Variants in MALRD1 observed in about 807,000 individuals in gnomAD.
The protein encoded by MALRD1 is MAM and LDL-receptor class A domain-containing protein 1.
MALRD1 carries 247 observed loss-of-function variants against 242.1 expected under a neutral mutation model. The ratio of observed to expected loss-of-function variants is 1.02; its 90% CI spans 0.92 to 1.13. MALRD1 has a LOEUF of 1.13. Among genes scored for constraint, MALRD1 ranks in the 50% most tolerant of loss-of-function variants. The pLI, the probability that MALRD1 is intolerant of heterozygous loss-of-function variation, is 0.00. For synonymous variants in MALRD1, 995 were observed against 866.6 expected, an observed-to-expected ratio of 1.15 and a Z score of -2.60; for missense variants, 2,989 against 2,533.1, an observed-to-expected ratio of 1.18 and a Z score of -3.86.
chr10:19,139,011 A>C (rs1406587281), intron 10 of MALRD1, among the ~76,000 whole-genome samples: 1 of 152,188 alleles, frequency 6.6e-6, no homozygotes, highest in African/African-American at 2.4e-5. Flanking sequence ...CATTTGTCCA[A>C]AGAAAACCTG....
At chr10:19,732,649 T>C (rs572524938) in intron 39 of MALRD1, among the ~76,000 whole-genome samples, 87 of 152,366 alleles carry the variant, frequency 5.7e-4, no homozygotes, top group African/African-American at 2.0e-3. Context: ...AAGTGAGATC[T>C]TTTCAATTTT....
chr10:19,391,051 C>T (rs557497626), intron 28 of MALRD1, among the ~76,000 whole-genome samples: 38 of 152,120 alleles, frequency 2.5e-4, no homozygotes, highest in African/African-American at 8.7e-4. Context: ...TTGCTTCAGT[C>T]GTATTTACAT....
At chr10:19,474,718 G>A (rs994875146) in intron 29 of MALRD1, among the ~76,000 whole-genome samples, 26 of 151,750 alleles carry the variant, frequency 1.7e-4, no homozygotes, top group Non-Finnish European at 3.1e-4. Flanking sequence ...AAAGAATGCT[G>A]GCCAAGGATG....
At chr10:19,274,570 C>T (rs1030153307) in intron 19 of MALRD1, among the ~76,000 whole-genome samples, 1 of 152,192 alleles carries the variant, frequency 6.6e-6, no homozygotes, top group African/African-American at 2.4e-5. Context: ...ACCACTTCTG[C>T]TGGCACCTTG....
At chr10:19,610,518 TG>T (rs1838846446) in intron 35 of MALRD1, among the ~76,000 whole-genome samples, 1 of 152,016 alleles carries the variant, frequency 6.6e-6, no homozygotes, top group Admixed American at 6.6e-5. Context: ...AGACTTGGTT[TG>T]TTGCACAAAA....
At chr10:19,097,551 A>T (rs1836087126) in intron 4 of MALRD1, among the ~76,000 whole-genome samples, 1 of 152,176 alleles carries the variant, frequency 6.6e-6, no homozygotes, top group South Asian at 2.1e-4. Flanking sequence ...AAACGAACTA[A>T]ACATACAGTA....
intron 36 of MALRD1, among the ~76,000 whole-genome samples, chr10:19,689,479 A>T (rs1388225702): frequency 2.0e-5 from 3 of 152,162 alleles, no homozygotes; most frequent in Admixed American, 6.5e-5. Context: ...TCTTCACTAT[A>T]GAAAAATGCA....
intron 33 of MALRD1, among the ~76,000 whole-genome samples, chr10:19,585,751 T>C (rs1837358890): frequency 6.6e-6 from 1 of 152,170 alleles, no homozygotes; most frequent in South Asian, 2.1e-4. Context: ...TCTCTGTATT[T>C]CCTGAATCTG....
At chr10:19,317,819 T>C (rs530116375) in intron 21 of MALRD1, among the ~76,000 whole-genome samples, 2 of 152,150 alleles carry the variant, frequency 1.3e-5, no homozygotes, top group Admixed American at 1.3e-4. Context: ...CTAGGCAACT[T>C]TTGTGAAAAT....
intron 25 of MALRD1, among the ~76,000 whole-genome samples, chr10:19,350,800 T>C (rs1844340763): frequency 6.6e-6 from 1 of 152,134 alleles, no homozygotes; most frequent in African/African-American, 2.4e-5. Flanking sequence ...AAGTCCCTGT[T>C]TGTAGCTGCA....
chr10:19,155,793 A>T (rs1834121691), intron 12 of MALRD1, among the ~76,000 whole-genome samples: 1 of 152,200 alleles, frequency 6.6e-6, no homozygotes, highest in Admixed American at 6.6e-5. Context: ...AGCATACACG[A>T]TTATATGGAA....
intron 36 of MALRD1, among the ~76,000 whole-genome samples, chr10:19,663,664 A>C (rs1841543278): frequency 6.6e-6 from 1 of 152,144 alleles, no homozygotes; most frequent in African/African-American, 2.4e-5. Flanking sequence ...TAGGGGCTGC[A>C]CTCAGCTTCC....
chr10:19,727,784 C>A (rs1835103632), intron 38 of MALRD1, among the ~76,000 whole-genome samples: 4 of 143,284 alleles, frequency 2.8e-5, no homozygotes, highest in Admixed American at 7.0e-5. Flanking sequence ...TTTTTTTTGG[C>A]CTGATGAAGA....
chr10:19,295,519 G>A (rs1308492589), intron 21 of MALRD1, among the ~76,000 whole-genome samples: 1 of 151,688 alleles, frequency 6.6e-6, no homozygotes, highest in African/African-American at 2.4e-5. Context: ...TTTGAAGTGT[G>A]CAGTCAGAAG....
chr10:19,160,041 A>C (rs547186686), intron 12 of MALRD1, among the ~76,000 whole-genome samples: 1 of 152,190 alleles, frequency 6.6e-6, no homozygotes, highest in Non-Finnish European at 1.5e-5. Flanking sequence ...GAATGCAGTG[A>C]TTCAAAGTCA....
chr10:19,132,244 G>A (rs984025357), intron 8 of MALRD1, among the ~76,000 whole-genome samples: 2 of 152,194 alleles, frequency 1.3e-5, no homozygotes, highest in African/African-American at 4.8e-5. Flanking sequence ...GTCACTAAAA[G>A]CATCTGTGTA....
At chr10:19,459,450 A>G (rs61851083) in intron 29 of MALRD1, among the ~76,000 whole-genome samples, 18,219 of 152,168 alleles carry the variant, frequency 0.12, 1,161 homozygotes, top group African/African-American at 0.15. Context: ...CTTCATTGCC[A>G]TGATCAACTA....
intron 33 of MALRD1, among the ~76,000 whole-genome samples, chr10:19,593,249 C>T (rs1393085299): frequency 3.9e-5 from 6 of 152,116 alleles, no homozygotes; most frequent in Non-Finnish European, 7.3e-5. Context: ...GTCTCCAAGT[C>T]ATACATTTAT....
At chr10:19,611,848 C>G (rs1443099009) in intron 35 of MALRD1, among the ~76,000 whole-genome samples, 1 of 152,050 alleles carries the variant, frequency 6.6e-6, no homozygotes, top group Non-Finnish European at 1.5e-5. Context: ...CAGAGATGAA[C>G]TGTGAGTTTT....
Sources: gnomAD v4.1 joint callset for allele counts (sites outside exome capture counted in the v4.1 genomes callset) on GRCh38, gnomAD v4.1.1 for gene constraint, MANE v1.5 for transcripts, NCBI Gene and HGNC (gene_info 2026-07-23, HGNC 2026-07-21) for gene names.